TSPAN31: variants seen among roughly 807,000 people sequenced by gnomAD.
The protein encoded by TSPAN31 is tetraspanin 31.
TSPAN31 carries 16 observed loss-of-function variants against 24.8 expected under a neutral mutation model. That is an observed-to-expected ratio of 0.64 (90% CI 0.44 to 0.98). The LOEUF is 0.98. TSPAN31 is among the 50% of genes least tolerant of loss of function. The pLI is 0.00. For missense variants in TSPAN31, 209 were observed against 251.6 expected (o/e 0.83, Z 1.15); for synonymous variants, 87 against 91.4 (o/e 0.95, Z 0.27).
rs575736826 is a variant in TSPAN31, at chr12:57,746,693, TCAA to T, written c.421_423del (p.Gln141del). 1,551 of 1,614,198 alleles carry T rather than the reference TCAA, an allele frequency of 9.6e-4. 3 individuals carry two copies. Among genetic ancestry groups the T allele is most frequent in the Admixed American group, 1.4e-3 (83 of 60,020 alleles). On this transcript the variant is annotated inframe_deletion, in exon 4 of 6. Transcript: ENST00000257910. ...GCTTATTCAACCTCACAACCCTGTA[TCAA>T]CAAGATTATGATTTCTGCACTGCAG...
rs1955132576 is a variant in TSPAN31 at position 57,745,220 on chromosome 12, G to A, written c.63+3G>A. 6.2e-7 allele frequency: 1 copy of A among 1,609,670 alleles called. No individual in the cohort carries two copies. The highest frequency in any genetic ancestry group is 1.7e-5 in the Admixed American group (1 of 59,380). On this transcript the variant is annotated splice_donor_region_variant and intron_variant, in intron 1 of 5. Transcript: ENST00000257910. Reference sequence around the variant, plus strand: ...GCGCTCTCAACGTGGTCTACATGGTGAGGTTTTGGAGGTGGGGGAAGCTTC... The same window carrying A: ...GCGCTCTCAACGTGGTCTACATGGTAAGGTTTTGGAGGTGGGGGAAGCTTC...
At chr12:57,746,958 G>C in intron 4 of TSPAN31, 60 bp from the exon 5 acceptor site, 11 of 1,479,964 alleles carry the variant, frequency 7.4e-6, no homozygotes, top group Non-Finnish European at 1.0e-5. Flanking sequence ...ATTCGGCATA[G>C]GTATTAGTCA....
At position 57,746,981 on chromosome 12, in the gene TSPAN31, C is replaced by G. The variant is rs1383078765; in HGVS notation, c.445-37C>G. 3.8e-6 allele frequency: 6 copies of G among 1,576,654 alleles called. No homozygotes were observed. In the African/African-American group the frequency reaches 5.4e-5, roughly 14 times the overall value. On this transcript the variant is annotated intron_variant, in intron 4 of 5. Transcript: ENST00000257910. ...TAGGTATTAGTCACTAGCAACTTTACATTCACAACTTTGCATTCTTCACGT... is the reference window on the plus strand; with the variant it reads ...TAGGTATTAGTCACTAGCAACTTTAGATTCACAACTTTGCATTCTTCACGT...
chr12:57,746,996 A>T (rs770876025), intron 4 of TSPAN31, 22 bp from the exon 5 acceptor site: 1 of 1,604,438 alleles, frequency 6.2e-7, no homozygotes, highest in Admixed American at 1.7e-5. Flanking sequence ...ACAACTTTGC[A>T]TTCTTCACGT....
rs527602239 is a variant in TSPAN31, at chr12:57,745,115, C to G, written c.-40C>G. 9 of 1,566,798 alleles carry G rather than the reference C, an allele frequency of 5.7e-6. No individual in the cohort carries two copies. In the Admixed American group the frequency reaches 7.5e-5, roughly 13 times the overall value. The stretch of plus-strand genomic sequence containing the variant: ...GAAGACGGTCCCCAATACCCTCCCC[C>G]CAAGTCCTTGGGACCACTTGGGTCC... On this transcript the variant is annotated 5_prime_UTR_variant, in exon 1 of 6. Coordinates refer to ENST00000257910, the MANE Select transcript of TSPAN31 (RefSeq NM_005981.5).
At chr12:57,745,630 T>C (rs1015098220) in intron 1 of TSPAN31, 115 bp from the exon 2 acceptor site, 5 of 1,335,298 alleles carry the variant, frequency 3.7e-6, no homozygotes, top group Admixed American at 2.1e-5. Flanking sequence ...CCAGCTCCCA[T>C]TCACACACTA....
Position 57,749,337 on chromosome 12 carries a change from T to C in TSPAN31, c.*2047T>C, listed in dbSNP as rs1309254843. 6.2e-7 allele frequency: 1 copy of C among 1,614,052 alleles called. No homozygotes were observed. The highest frequency in any genetic ancestry group is 1.3e-5 in the African/African-American group (1 of 74,940). On this transcript the variant is annotated 3_prime_UTR_variant, in exon 6 of 6. Coordinates refer to ENST00000257910, the MANE Select transcript of TSPAN31 (RefSeq NM_005981.5). ...ATCAGGCTGTGGGGGACAGGAGAACTCTGGTCAGGAGGGTCCTCCAGTTCC... is the reference window on the plus strand; with the variant it reads ...ATCAGGCTGTGGGGGACAGGAGAACCCTGGTCAGGAGGGTCCTCCAGTTCC...
Position 57,748,466 on chromosome 12 carries a change from C to A in TSPAN31, c.*1176C>A. ...CAGAGATAAAGGCAAAGATTGCCCT[C>A]TCAGTGTCCAGAAGGGAAATGGCAG... On this transcript the variant is annotated 3_prime_UTR_variant, in exon 6 of 6. Transcript: ENST00000257910. 8.1e-7 allele frequency: 1 copy of A among 1,236,964 alleles called. No homozygotes were observed. The highest frequency in any genetic ancestry group is 1.2e-6 in the Non-Finnish European group (1 of 837,944). The allele number at this position is 1,236,964 out of a possible 1,614,324, so 76.6% of individuals were successfully genotyped here.
chr12:57,748,613 A>G lies in TSPAN31; in HGVS notation c.*1323A>G. 6.2e-7 allele frequency: 1 copy of G among 1,612,326 alleles called. No homozygotes were observed. The highest frequency in any genetic ancestry group is 1.7e-4 in the Middle Eastern group (1 of 6,058). ...TCGCTTGTGTGGGTTAAAAGTCAGC[A>G]TTTCCTGAGGGGAGAGGCAAAGGTC... On this transcript the variant is annotated 3_prime_UTR_variant, in exon 6 of 6. Transcript: ENST00000257910.
At chr12:57,745,685 T>C (rs1955138695) in intron 1 of TSPAN31, 60 bp from the exon 2 acceptor site, 9 of 1,587,664 alleles carry the variant, frequency 5.7e-6, no homozygotes, top group Non-Finnish European at 7.7e-6. Context: ...TCCTCTTGTA[T>C]GGCCTTGGGC....
At position 57,745,107 on chromosome 12, in the gene TSPAN31, C is replaced by T. The variant is rs568013081; in HGVS notation, c.-48C>T. Reference sequence around the variant, plus strand: ...GGGTCCTGGAAGACGGTCCCCAATACCCTCCCCCCAAGTCCTTGGGACCAC... The same window carrying T: ...GGGTCCTGGAAGACGGTCCCCAATATCCTCCCCCCAAGTCCTTGGGACCAC... On this transcript the variant is annotated 5_prime_UTR_variant, in exon 1 of 6. Coordinates refer to ENST00000257910, the MANE Select transcript of TSPAN31 (RefSeq NM_005981.5). The T allele has an allele frequency of 1.6e-5, 24 of 1,546,770 alleles. No homozygotes were observed. Among genetic ancestry groups the T allele is most frequent in the Non-Finnish European group, 2.0e-5 (23 of 1,137,866 alleles).
chr12:57,745,256 G>A lies in TSPAN31; in HGVS notation c.63+39G>A, dbSNP rs769887502. On this transcript the variant is annotated intron_variant, in intron 1 of 5. Transcript: ENST00000257910. Reference sequence around the variant, plus strand: ...GGTGGGGGAAGCTTCAAGGCGGAAAGGCCCCGTGGGGAGAATCTCTAGGGT... The same window carrying A: ...GGTGGGGGAAGCTTCAAGGCGGAAAAGCCCCGTGGGGAGAATCTCTAGGGT... The A allele has an allele frequency of 1.9e-6, 3 of 1,593,210 alleles. No individual in the cohort carries two copies. In the East Asian group the frequency reaches 6.8e-5, roughly 36 times the overall value.
At position 57,747,416 on chromosome 12, in the gene TSPAN31, A is replaced by C; in HGVS notation, c.*126A>C. ...GAAAGGCCCCTTGTCACATCCTCTA[A>C]AATTGATGGAATAGCAAGACTTTAT... On this transcript the variant is annotated 3_prime_UTR_variant, in exon 6 of 6. Transcript: ENST00000257910. 2.6e-6 allele frequency: 2 copies of C among 755,720 alleles called. No individual in the cohort carries two copies. Among genetic ancestry groups the C allele is most frequent in the Non-Finnish European group, 4.3e-6 (2 of 468,360 alleles). 46.8% of individuals were successfully genotyped at this position (755,720 alleles called of 1,614,324 possible). A position where few individuals can be genotyped will look rare whatever the true frequency, so the allele number is the denominator to read the frequency against.
At chr12:57,746,554 G>T in intron 3 of TSPAN31, 35 bp from the exon 4 acceptor site, 1 of 1,613,436 alleles carries the variant, frequency 6.2e-7, no homozygotes, top group Non-Finnish European at 8.5e-7. Context: ...ACAGGATGTA[G>T]GGAGACTTAA....
In TSPAN31 at chr12:57,745,048, G is replaced by C. The variant is rs1595103215; in HGVS notation, c.-107G>C. On this transcript the variant is annotated 5_prime_UTR_variant, in exon 1 of 6. Coordinates refer to ENST00000257910, the MANE Select transcript of TSPAN31 (RefSeq NM_005981.5). ...GGTGCAGGCGCAGAGTATTGGGTTT[G>C]GCTGGCCTCGATTTAAAGAGACAGA... The C allele has an allele frequency of 2.7e-5, 29 of 1,078,906 alleles. No individual in the cohort carries two copies. Among genetic ancestry groups the C allele is most frequent in the Non-Finnish European group, 3.9e-5 (28 of 722,638 alleles). 66.8% of individuals were successfully genotyped at this position (1,078,906 alleles called of 1,614,324 possible). A position where few individuals can be genotyped will look rare whatever the true frequency, so the allele number is the denominator to read the frequency against.
At position 57,748,815 on chromosome 12, in the gene TSPAN31, C is replaced by T. The variant is rs1205030164; in HGVS notation, c.*1525C>T. 1.2e-5 allele frequency: 7 copies of T among 573,520 alleles called. No individual in the cohort carries two copies. The Admixed American group carries it at 1.8e-4, about 14-fold the overall frequency. The allele number at this position is 573,520 out of a possible 1,614,324, so 35.5% of individuals were successfully genotyped here. ...CCGCCTCCTGAGTTGAAGTGATTCT[C>T]CTATCTCAGCCTCCCAAGTAGCTGA... On this transcript the variant is annotated 3_prime_UTR_variant, in exon 6 of 6. Coordinates refer to ENST00000257910, the MANE Select transcript of TSPAN31 (RefSeq NM_005981.5).
In TSPAN31 at chr12:57,745,148, T is replaced by C; in HGVS notation, c.-7T>C. 6.2e-7 allele frequency: 1 copy of C among 1,601,744 alleles called. No homozygotes were observed. Among genetic ancestry groups the C allele is most frequent in the Non-Finnish European group, 8.5e-7 (1 of 1,173,716 alleles). On this transcript the variant is annotated 5_prime_UTR_variant, in exon 1 of 6. Coordinates refer to ENST00000257910, the MANE Select transcript of TSPAN31 (RefSeq NM_005981.5). Reference sequence around the variant, plus strand: ...TTGGGACCACTTGGGTCCCCAGAGCTGGGGAGATGGTTTGTGGCGGCTTTG... The same window carrying C: ...TTGGGACCACTTGGGTCCCCAGAGCCGGGGAGATGGTTTGTGGCGGCTTTG...
Position 57,746,227 on chromosome 12 carries a change from T to A in TSPAN31, c.283T>A (p.Ser95Thr), listed in dbSNP as rs558508102. The change falls in exon 3 of 6, where the codon TCA becomes ACA. Residue 95 changes from serine (S) to threonine (T), a missense_variant. Physicochemically the swap from Ser to Thr is moderately conservative, Grantham distance 58 (BLOSUM62 1). Transcript: ENST00000257910. Reference sequence around the variant, plus strand: ...CATCTTCCAATTTGTAATCTCTTGCTCATGTCTGGCTATTAACCGAAGCAA... The same window carrying A: ...CATCTTCCAATTTGTAATCTCTTGCACATGTCTGGCTATTAACCGAAGCAA... ...VFIFQFVISCSCLAINRSKQT... is the reference protein window; with the variant it reads ...VFIFQFVISCTCLAINRSKQT... 1.2e-6 allele frequency: 2 copies of A among 1,614,206 alleles called. No homozygotes were observed. The highest frequency in any genetic ancestry group is 2.2e-5 in the South Asian group (2 of 91,086).
chr12:57,745,536 T>C (rs989989864), intron 1 of TSPAN31: 1 of 636,680 alleles, frequency 1.6e-6, no homozygotes, highest in South Asian at 2.0e-5. Context: ...CATACTACCA[T>C]CCCTGCCACC....
Sources: gnomAD v4.1 joint callset for allele counts on GRCh38, gnomAD v4.1.1 for gene constraint, MANE v1.5 for transcripts, NCBI Gene and HGNC (gene_info 2026-07-23, HGNC 2026-07-21) for gene names.